TNFRSF10D: variants seen among roughly 807,000 people sequenced by gnomAD.
The protein encoded by TNFRSF10D is TNF receptor superfamily member 10d, also known as tumor necrosis factor receptor superfamily member 10D.
A neutral mutation model predicts 42.1 loss-of-function variants in TNFRSF10D; 28 were observed. The observed-to-expected ratio is 0.66, with a 90% CI of 0.49 to 0.91. TNFRSF10D has a LOEUF of 0.91. Ranked by LOEUF, TNFRSF10D falls within the 40% of genes least tolerant of loss-of-function variation. The pLI is 0.00. For synonymous variants in TNFRSF10D, 186 were observed against 189.4 expected (o/e 0.98, Z 0.15); for missense variants, 503 against 486.1 (o/e 1.03, Z -0.33).
At chr8:23,148,964 A>G (rs145371971) in intron 2 of TNFRSF10D, among the ~76,000 whole-genome samples, 19,040 of 151,234 alleles carry the variant, frequency 0.13, 1,282 homozygotes, top group African/African-American at 0.17. Flanking sequence ...GCCAAGGCGG[A>G]CGAATCACGA....
In TNFRSF10D at chr8:23,136,976, T is replaced by C. The variant is rs1283201253; in HGVS notation, c.*894A>G. The C allele has an allele frequency of 6.6e-6, 1 of 152,170 alleles. No homozygotes were observed. The highest frequency in any genetic ancestry group is 1.5e-5 in the Non-Finnish European group (1 of 68,024). 9.4% of individuals were successfully genotyped at this position (152,170 alleles called of 1,614,324 possible). The stretch of plus-strand genomic sequence containing the variant: ...GGATTTCTCCCTCCGTCACTAGTTA[T>C]ATTTTTAGTCATTTTTGACTGCTGA... On this transcript the variant is annotated 3_prime_UTR_variant, in exon 9 of 9. Coordinates refer to ENST00000312584, the MANE Select transcript of TNFRSF10D (RefSeq NM_003840.5).
At chr8:23,157,437 A>G (rs890107556) in intron 1 of TNFRSF10D, among the ~76,000 whole-genome samples, 4 of 152,122 alleles carry the variant, frequency 2.6e-5, no homozygotes, top group Non-Finnish European at 4.4e-5. Flanking sequence ...TTAAGTTTAG[A>G]GGTCATATCG....
intron 1 of TNFRSF10D, among the ~76,000 whole-genome samples, chr8:23,159,380 G>A (rs548395851): frequency 5.6e-4 from 85 of 152,204 alleles, no homozygotes; most frequent in Admixed American, 4.7e-3. Flanking sequence ...AACATAGGAC[G>A]ATCTCCTTAT....
chr8:23,141,107 G>T (rs1013006746), intron 7 of TNFRSF10D, among the ~76,000 whole-genome samples: 1 of 152,136 alleles, frequency 6.6e-6, no homozygotes, highest in African/African-American at 2.4e-5. Context: ...CTGGACATCA[G>T]CCATGGCAAA....
chr8:23,138,751 A>G (rs749369585), intron 7 of TNFRSF10D, among the ~76,000 whole-genome samples: 30 of 152,256 alleles, frequency 2.0e-4, no homozygotes, highest in Non-Finnish European at 4.1e-4. Flanking sequence ...ATTAAATAAA[A>G]TGGCAGTCTC....
At chr8:23,151,495 C>G (rs191752716) in intron 2 of TNFRSF10D, among the ~76,000 whole-genome samples, 1 of 152,142 alleles carries the variant, frequency 6.6e-6, no homozygotes, top group Non-Finnish European at 1.5e-5. Flanking sequence ...AATACATGGT[C>G]AAGTTCAGAA....
intron 1 of TNFRSF10D, among the ~76,000 whole-genome samples, chr8:23,155,460 C>T (rs1424077464): frequency 6.6e-6 from 1 of 152,020 alleles, no homozygotes; most frequent in African/African-American, 2.4e-5. Flanking sequence ...TGGCTCAGGC[C>T]TGTAATCACA....
At chr8:23,143,484 G>A (rs151117906) in intron 7 of TNFRSF10D, among the ~76,000 whole-genome samples, 335 of 152,214 alleles carry the variant, frequency 2.2e-3, no homozygotes, top group Admixed American at 3.9e-3. Flanking sequence ...AAACAAAGGT[G>A]CAATGCGATT....
chr8:23,145,955 TG>T (rs756653866), intron 4 of TNFRSF10D, 34 bp from the exon 5 acceptor site: 2 of 1,613,242 alleles, frequency 1.2e-6, no homozygotes, highest in Non-Finnish European at 1.7e-6. Context: ...CAGGGACTCT[TG>T]ATGGAAAGCT....
chr8:23,140,085 C>T (rs140841745), intron 7 of TNFRSF10D, among the ~76,000 whole-genome samples: 16 of 152,202 alleles, frequency 1.1e-4, no homozygotes, highest in Admixed American at 2.6e-4. Context: ...GTCAGGAGAT[C>T]GAGACCATCC....
At position 23,148,561 on chromosome 8, in the gene TNFRSF10D, G is replaced by A. The variant is rs777298997; in HGVS notation, c.257-10C>T. The A allele has an allele frequency of 1.9e-6, 3 of 1,594,098 alleles. No individual in the cohort carries two copies. The highest frequency in any genetic ancestry group is 1.1e-5 in the South Asian group (1 of 90,306). On this transcript the variant is annotated splice_polypyrimidine_tract_variant and intron_variant, in intron 2 of 8. Transcript: ENST00000312584. The stretch of plus-strand genomic sequence containing the variant: ...TCTGATCTATGAGATCCTGGGAAGG[G>A]AGAGAAAAGTTAATGAATGAGTCAC...
In TNFRSF10D at chr8:23,144,578, G is replaced by A. The variant is rs143212880; in HGVS notation, c.826C>T (p.Arg276Cys). 1.8e-4 allele frequency: 289 copies of A among 1,614,154 alleles called. 2 individuals are homozygous for A. In the East Asian group the frequency reaches 5.7e-3, roughly 32 times the overall value. The stretch of plus-strand genomic sequence containing the variant: ...TATCTGTTACTCAGGGTCTCGTTGC[G>A]GGCATTGTCCTCCGCCCCAGGAACT... ...SRVPGAEDNA[R>C]NETLSNRYLQ... is the part of the protein sequence containing the mutation. The change falls in exon 7 of 9, where the codon CGC becomes TGC. Residue 276 changes from arginine to cysteine, a missense_variant. Coordinates refer to ENST00000312584, the MANE Select transcript of TNFRSF10D (RefSeq NM_003840.5).
rs1233420435 is a variant in TNFRSF10D at position 23,163,925 on chromosome 8, C to T, written c.11G>A (p.Trp4Ter). 6.3e-7 allele frequency: 1 copy of T among 1,575,106 alleles called. No homozygotes were observed. The highest frequency in any genetic ancestry group is 2.4e-5 in the East Asian group (1 of 41,716). ...CGAGGCGGTCGGGACGCTTTGTCCC[C>T]AAAGTCCCATGAGAAGGGAGGAGGG... The part of the protein sequence containing the change: MGL[W>*]GQSVPTASSA... The change falls in exon 1 of 9, where the codon TGG becomes TAG. Residue 4 changes from tryptophan (W) to a stop codon, truncating the protein, a stop_gained. Coordinates refer to ENST00000312584, the MANE Select transcript of TNFRSF10D (RefSeq NM_003840.5). LOFTEE classifies it high-confidence loss of function.
chr8:23,149,285 T>G (rs1800178598), intron 2 of TNFRSF10D, among the ~76,000 whole-genome samples: 1 of 151,478 alleles, frequency 6.6e-6, no homozygotes, highest in East Asian at 2.0e-4. Flanking sequence ...TCACCCAGGC[T>G]GGAGGGCAAT....
chr8:23,150,453 T>C (rs115278732), intron 2 of TNFRSF10D, among the ~76,000 whole-genome samples: 846 of 152,106 alleles, frequency 5.6e-3, no homozygotes, highest in African/African-American at 0.017. Flanking sequence ...AAGTCCCTGC[T>C]TCTTCAAAGT....
At chr8:23,149,961 G>A (rs1408341226) in intron 2 of TNFRSF10D, among the ~76,000 whole-genome samples, 3 of 152,148 alleles carry the variant, frequency 2.0e-5, no homozygotes, top group Admixed American at 6.5e-5. Context: ...CATTAGCACG[G>A]TGCCTGACTG....
intron 4 of TNFRSF10D, 80 bp downstream of exon 4, chr8:23,146,881 G>T: frequency 1.6e-6 from 2 of 1,225,028 alleles, no homozygotes; most frequent in Non-Finnish European, 2.4e-6. Flanking sequence ...CATGGGGTCA[G>T]CGGAGAGATA....
chr8:23,163,759 C>A, intron 1 of TNFRSF10D, 27 bp downstream of exon 1: 2 of 1,604,396 alleles, frequency 1.2e-6, no homozygotes, highest in East Asian at 2.3e-5. Flanking sequence ...CGCTCTTCCC[C>A]AGCCAGGGAC....
At chr8:23,158,557 G>A (rs1328911293) in intron 1 of TNFRSF10D, among the ~76,000 whole-genome samples, 1 of 152,178 alleles carries the variant, frequency 6.6e-6, no homozygotes, top group Non-Finnish European at 1.5e-5. Flanking sequence ...GATTTACAGG[G>A]AGTGCAATAA....
Sources: allele counts gnomAD v4.1 joint callset (sites outside exome capture counted in the v4.1 genomes callset), GRCh38; gene constraint gnomAD v4.1.1; transcripts MANE v1.5; gene names NCBI Gene and HGNC (gene_info 2026-07-23, HGNC 2026-07-21).